MRPL48: variants seen among roughly 807,000 people sequenced by gnomAD.
MRPL48 encodes the protein large ribosomal subunit protein mL48.
A neutral mutation model predicts 32.9 loss-of-function variants in MRPL48; 16 were observed. That is an observed-to-expected ratio of 0.49 (90% confidence interval 0.33 to 0.74). The LOEUF is 0.74. Among genes scored for constraint, MRPL48 ranks in the 30% least tolerant of loss-of-function variants. MRPL48 has a pLI of 0.02. For missense variants in MRPL48, 206 were observed against 245.3 expected (o/e 0.84, Z 1.07); for synonymous variants, 94 against 89.2 (o/e 1.05, Z -0.31).
chr11:73,816,302 C>T, intron 3 of MRPL48, among the ~76,000 whole-genome samples: 1 of 142,100 alleles, frequency 7.0e-6, no homozygotes, highest in African/African-American at 2.6e-5. Flanking sequence ...ACCTCGTGAT[C>T]CGCCCGCCTC....
intron 3 of MRPL48, among the ~76,000 whole-genome samples, chr11:73,823,732 A>T (rs1947829560): frequency 6.9e-6 from 1 of 144,860 alleles, no homozygotes; most frequent in African/African-American, 2.6e-5. Context: ...AGCTATTTGC[A>T]CTACAACCTC....
At chr11:73,799,705 C>T (rs193033995) in intron 1 of MRPL48, among the ~76,000 whole-genome samples, 128 of 152,134 alleles carry the variant, frequency 8.4e-4, no homozygotes, top group Middle Eastern at 3.4e-3. Flanking sequence ...GTAATGGTTA[C>T]GCTAAAAACC....
At chr11:73,848,509 T>C (rs1948335714) in intron 5 of MRPL48, among the ~76,000 whole-genome samples, 1 of 149,612 alleles carries the variant, frequency 6.7e-6, no homozygotes, top group African/African-American at 2.5e-5. Flanking sequence ...TTTTTAGGAT[T>C]GTGTTGAATC....
At chr11:73,854,586 CTAG>C (rs1329645335) in intron 5 of MRPL48, among the ~76,000 whole-genome samples, 1 of 152,130 alleles carries the variant, frequency 6.6e-6, no homozygotes, top group African/African-American at 2.4e-5. Flanking sequence ...CGTGCCTGGC[CTAG>C]TTGCAATGTT....
intron 1 of MRPL48, among the ~76,000 whole-genome samples, chr11:73,791,529 G>A (rs896326704): frequency 1.3e-5 from 2 of 151,684 alleles, no homozygotes; most frequent in African/African-American, 4.8e-5. Context: ...CGATCCTCTC[G>A]CCTTAGCCTC....
At chr11:73,825,290 G>A (rs752930021) in intron 3 of MRPL48, among the ~76,000 whole-genome samples, 2,387 of 140,476 alleles carry the variant, frequency 0.017, 27 homozygotes, top group African/African-American at 0.032. Flanking sequence ...ATATATGTGT[G>A]TGTGTGTGTG....
In MRPL48 at chr11:73,834,528, G is replaced by GTT. The variant is rs11444489; in HGVS notation, c.201+8742_201+8743dup. Among the ~76,000 whole-genome samples, 384 of 142,648 alleles carry GTT rather than the reference G, an allele frequency of 2.7e-3. 3 individuals carry two copies. Among genetic ancestry groups the GTT allele is most frequent in the Admixed American group, 7.3e-3 (104 of 14,302 alleles). The allele number at this position is 142,648 out of a possible 152,430, so 93.6% of individuals were successfully genotyped here. A position where few individuals can be genotyped will look rare whatever the true frequency, so the allele number is the denominator to read the frequency against. On this transcript the variant is annotated intron_variant, in intron 4 of 7. Transcript: ENST00000310614. Reference sequence around the variant, plus strand: ...TTCTTGTTTTATTTTGTTTTTGCTGGTTTTTTTTTTTGTTTTTTTTTTTGA... The same window carrying GTT: ...TTCTTGTTTTATTTTGTTTTTGCTGGTTTTTTTTTTTTTGTTTTTTTTTTTGA...
chr11:73,849,152 G>A (rs1488591533), intron 5 of MRPL48, among the ~76,000 whole-genome samples: 1 of 150,238 alleles, frequency 6.7e-6, no homozygotes, highest in Admixed American at 6.6e-5. Flanking sequence ...TTTTGTTTTT[G>A]TTGAGACGGA....
intron 4 of MRPL48, among the ~76,000 whole-genome samples, chr11:73,828,661 G>T (rs1038423417): frequency 6.6e-6 from 1 of 151,960 alleles, no homozygotes; most frequent in Non-Finnish European, 1.5e-5. Flanking sequence ...GATACAAAGC[G>T]CTATTAAAAT....
intron 2 of MRPL48, among the ~76,000 whole-genome samples, chr11:73,805,370 C>T (rs1266090412): frequency 1.3e-5 from 2 of 150,710 alleles, no homozygotes; most frequent in Non-Finnish European, 2.9e-5. Flanking sequence ...GATCTTGGCT[C>T]ACTGCAACCT....
intron 1 of MRPL48, among the ~76,000 whole-genome samples, chr11:73,793,649 G>A (rs1327447542): frequency 6.6e-6 from 1 of 152,044 alleles, no homozygotes; most frequent in Non-Finnish European, 1.5e-5. Flanking sequence ...AGAGGAAGTT[G>A]GGAGGGAGAG....
chr11:73,859,704 C>T (rs1299368842), intron 5 of MRPL48, among the ~76,000 whole-genome samples: 1 of 152,016 alleles, frequency 6.6e-6, no homozygotes, highest in Non-Finnish European at 1.5e-5. Flanking sequence ...AGATGCAGAA[C>T]TGCATTAAAC....
chr11:73,810,781 C>T (rs1947553809), intron 3 of MRPL48, among the ~76,000 whole-genome samples: 1 of 151,098 alleles, frequency 6.6e-6, no homozygotes, highest in Admixed American at 6.6e-5. Flanking sequence ...TTGTTCAACT[C>T]CCACTTATGA....
At chr11:73,852,035 G>A (rs1948401503) in intron 5 of MRPL48, among the ~76,000 whole-genome samples, 2 of 151,960 alleles carry the variant, frequency 1.3e-5, no homozygotes, top group African/African-American at 2.4e-5. Context: ...GCTCAAAGAG[G>A]CAGAGTAACA....
At chr11:73,810,575 T>C (rs1293025732) in intron 3 of MRPL48, among the ~76,000 whole-genome samples, 1 of 151,306 alleles carries the variant, frequency 6.6e-6, no homozygotes. Context: ...TTTTTTTTAT[T>C]GTAATTTAAG....
Position 73,805,023 on chromosome 11 carries a change from G to A in MRPL48, c.22-4G>A. 1 of 1,588,796 alleles carries A rather than the reference G, an allele frequency of 6.3e-7. No individual in the cohort carries two copies. ...ATTGTCCTAACATGGCTGTTTTGCT[G>A]TAGGTGCTGTGCCTGAGGAACAATA... On this transcript the variant is annotated splice_polypyrimidine_tract_variant and splice_region_variant and intron_variant, in intron 1 of 7. Coordinates refer to ENST00000310614, the MANE Select transcript of MRPL48 (RefSeq NM_016055.6).
At chr11:73,849,119 G>A (rs948346560) in intron 5 of MRPL48, among the ~76,000 whole-genome samples, 3 of 151,646 alleles carry the variant, frequency 2.0e-5, no homozygotes, top group Non-Finnish European at 2.9e-5. Context: ...ACTGCACCCA[G>A]CCCCTTTTTA....
chr11:73,797,053 A>C (rs942600962), intron 1 of MRPL48, among the ~76,000 whole-genome samples: 1 of 152,104 alleles, frequency 6.6e-6, no homozygotes, highest in African/African-American at 2.4e-5. Context: ...AAAGAGTGAG[A>C]CTGTCTCAAA....
At chr11:73,809,974 T>C (rs1034440008) in intron 3 of MRPL48, among the ~76,000 whole-genome samples, 2 of 152,228 alleles carry the variant, frequency 1.3e-5, no homozygotes, top group African/African-American at 4.8e-5. Context: ...CTTCTTTTTA[T>C]TTATACATTC....
Sources: gnomAD v4.1 joint callset for allele counts (sites outside exome capture counted in the v4.1 genomes callset) on GRCh38, gnomAD v4.1.1 for gene constraint, MANE v1.5 for transcripts, NCBI Gene and HGNC (gene_info 2026-07-23, HGNC 2026-07-21) for gene names.